Variants in MAP2 observed in about 807,000 individuals in gnomAD.
The protein encoded by MAP2 is microtubule associated protein 2.
MAP2 carries 14 observed loss-of-function variants against 137.6 expected under a neutral mutation model. The observed-to-expected ratio is 0.10, with a 90% CI of 0.07 to 0.16. The LOEUF (loss-of-function observed/expected upper bound fraction) is 0.16. Among genes scored for constraint, MAP2 ranks in the 10% least tolerant of loss-of-function variants. The pLI, the probability that MAP2 is intolerant of heterozygous loss-of-function variation, is 1.00. For missense variants in MAP2, 2,088 were observed against 2,191.5 expected (o/e 0.95, Z 0.94); for synonymous variants, 786 against 782.3 (o/e 1.00, Z -0.08).
intron 11 of MAP2, among the ~76,000 whole-genome samples, chr2:209,702,750 A>C (rs2062135771): frequency 6.6e-6 from 1 of 152,022 alleles, no homozygotes; most frequent in African/African-American, 2.4e-5. Context: ...ATAAAAAAAG[A>C]ATGACTTGTG....
intron 3 of MAP2, among the ~76,000 whole-genome samples, chr2:209,616,535 C>T (rs1375358890): frequency 6.6e-6 from 1 of 151,732 alleles, no homozygotes; most frequent in South Asian, 2.1e-4. Flanking sequence ...AGCAAGATTT[C>T]ATTGCTTATA....
At chr2:209,621,720 C>T (rs558277586) in intron 3 of MAP2, among the ~76,000 whole-genome samples, 1 of 152,282 alleles carries the variant, frequency 6.6e-6, no homozygotes, top group African/African-American at 2.4e-5. Flanking sequence ...TGAGTTCTTA[C>T]AGCCGTTGAG....
intron 3 of MAP2, among the ~76,000 whole-genome samples, chr2:209,586,918 C>T (rs1395031684): frequency 6.6e-6 from 1 of 152,138 alleles, no homozygotes; most frequent in Admixed American, 6.6e-5. Context: ...ACTTTTAAAC[C>T]TCTTTGATGG....
intron 2 of MAP2, among the ~76,000 whole-genome samples, chr2:209,571,614 A>C (rs140162099): frequency 5.9e-5 from 9 of 152,082 alleles, no homozygotes; most frequent in Non-Finnish European, 1.0e-4. Context: ...TAGTTCTTAA[A>C]GTGTAATGAG....
At chr2:209,627,086 G>A (rs1228029829) in intron 4 of MAP2, among the ~76,000 whole-genome samples, 2 of 151,864 alleles carry the variant, frequency 1.3e-5, no homozygotes, top group East Asian at 3.9e-4. Context: ...ACAATAATTA[G>A]AATCTGTTTT....
chr2:209,455,407 A>C (rs1385328653), intron 1 of MAP2, among the ~76,000 whole-genome samples: 2 of 152,246 alleles, frequency 1.3e-5, no homozygotes, highest in African/African-American at 4.8e-5. Flanking sequence ...ATTAACAAGT[A>C]GTTTTATCTC....
At chr2:209,723,710 A>C in intron 13 of MAP2, 2 of 1,578,208 alleles carry the variant, frequency 1.3e-6, no homozygotes, top group East Asian at 4.5e-5. Context: ...GCCTTTTAGA[A>C]AGCTGTCCTG....
At chr2:209,704,282 ATCTCT>A (rs1309191691) in intron 11 of MAP2, among the ~76,000 whole-genome samples, 5 of 152,088 alleles carry the variant, frequency 3.3e-5, no homozygotes, top group Non-Finnish European at 5.9e-5. Flanking sequence ...AACTGTGAAA[ATCTCT>A]TCTCATCTAA....
chr2:209,628,437 T>A (rs2092641244), intron 4 of MAP2, among the ~76,000 whole-genome samples: 1 of 152,136 alleles, frequency 6.6e-6, no homozygotes, highest in African/African-American at 2.4e-5. Flanking sequence ...AGACTCAGAG[T>A]AGATAATTAC....
At chr2:209,611,464 G>GA (rs929128014) in intron 3 of MAP2, among the ~76,000 whole-genome samples, 4 of 151,730 alleles carry the variant, frequency 2.6e-5, no homozygotes, top group Middle Eastern at 3.4e-3. Flanking sequence ...AATGCACACT[G>GA]AAAAAATATA....
intron 1 of MAP2, among the ~76,000 whole-genome samples, chr2:209,465,025 C>A (rs1395290040): frequency 6.6e-6 from 1 of 152,102 alleles, no homozygotes; most frequent in African/African-American, 2.4e-5. Context: ...CTGCACGCAT[C>A]ATATCACAGG....
chr2:209,543,605 T>C (rs1291660616), intron 2 of MAP2, among the ~76,000 whole-genome samples: 1 of 152,202 alleles, frequency 6.6e-6, no homozygotes, highest in Admixed American at 6.5e-5. Flanking sequence ...TCCTTTTACT[T>C]CATCACTGCT....
At chr2:209,625,456 A>G (rs1204310035) in intron 4 of MAP2, among the ~76,000 whole-genome samples, 1 of 152,168 alleles carries the variant, frequency 6.6e-6, no homozygotes, top group Non-Finnish European at 1.5e-5. Context: ...GCCAAGCATG[A>G]TCCTACATGA....
At chr2:209,680,932 C>A in intron 7 of MAP2, 105 bp downstream of exon 7, 1 of 692,756 alleles carries the variant, frequency 1.4e-6, no homozygotes, top group Non-Finnish European at 2.4e-6. Context: ...TGTGACCAAG[C>A]TTTGGAGCTA....
intron 3 of MAP2, among the ~76,000 whole-genome samples, chr2:209,610,711 A>G (rs2086557277): frequency 6.6e-6 from 1 of 152,140 alleles, no homozygotes; most frequent in Non-Finnish European, 1.5e-5. Flanking sequence ...ATGGCTACTT[A>G]AGAAGTATTA....
chr2:209,570,548 G>A (rs913772187), intron 2 of MAP2, among the ~76,000 whole-genome samples: 4 of 151,836 alleles, frequency 2.6e-5, no homozygotes, highest in South Asian at 4.2e-4. Context: ...TTTCAAATTC[G>A]CAAATATTAG....
chr2:209,666,555 C>T (rs1239493137), intron 5 of MAP2, among the ~76,000 whole-genome samples: 2 of 151,982 alleles, frequency 1.3e-5, no homozygotes, highest in African/African-American at 2.4e-5. Flanking sequence ...TTATGAAATG[C>T]TCTGCAGACC....
rs759644376 is a variant in MAP2, at chr2:209,695,355, T to A, written c.3185T>A (p.Ile1062Lys). 1.2e-6 allele frequency: 2 copies of A among 1,613,840 alleles called. No homozygotes were observed. The highest frequency in any genetic ancestry group is 8.5e-7 in the Non-Finnish European group (1 of 1,179,908). The change falls in exon 8 of 16, where the codon ATA becomes AAA. Residue 1062 changes from isoleucine (I) to lysine (K), a missense_variant. Around this residue, in one of 6 missense-constraint regions of MAP2, gnomAD observed 500 missense variants for 482.9 expected, o/e 1.04. Transcript: ENST00000682079. ...GGACAGATGGCTTCAGGGCTAAACATAGATGATAGAAGGGCAACAGAGCTA... is the reference window on the plus strand; with the variant it reads ...GGACAGATGGCTTCAGGGCTAAACAAAGATGATAGAAGGGCAACAGAGCTA... The part of the protein sequence containing the change: ...DFGQMASGLN[I>K]DDRRATELKL...
At chr2:209,611,288 T>A (rs1476370499) in intron 3 of MAP2, among the ~76,000 whole-genome samples, 1 of 152,040 alleles carries the variant, frequency 6.6e-6, no homozygotes, top group African/African-American at 2.4e-5. Context: ...GGAATCAGAA[T>A]CCCTGGAATA....
Sources: allele counts gnomAD v4.1 joint callset (sites outside exome capture counted in the v4.1 genomes callset), GRCh38; gene constraint gnomAD v4.1.1; regional missense constraint gnomAD v4.1.1; transcripts MANE v1.5; gene names NCBI Gene and HGNC (gene_info 2026-07-23, HGNC 2026-07-21).